The following TNN variants were observed in gnomAD, a reference collection of about 807,000 sequenced individuals.
The protein encoded by TNN is tenascin N.
A neutral mutation model predicts 134.4 loss-of-function variants in TNN; 122 were observed. The ratio of observed to expected loss-of-function variants is 0.91; its 90% CI spans 0.78 to 1.06. The LOEUF (loss-of-function observed/expected upper bound fraction) is 1.06, where lower values mean the gene tolerates loss of function less well. Among genes scored for constraint, TNN ranks in the 50% least tolerant of loss-of-function variants. The pLI is 0.00. For synonymous variants in TNN, 710 were observed against 670.3 expected, an observed-to-expected ratio of 1.06 and a Z score of -0.91; for missense variants, 1,739 against 1,699.4, an observed-to-expected ratio of 1.02 and a Z score of -0.41.
rs537381498 is a variant in TNN, at chr1:175,095,730, C to G, written c.1588+1477C>G. Among the ~76,000 whole-genome samples, 410 of 152,286 alleles carry G rather than the reference C, an allele frequency of 2.7e-3. 1 individual carries two copies. The highest frequency in any genetic ancestry group is 9.6e-3 in the African/African-American group (398 of 41,554). On this transcript the variant is annotated intron_variant, in intron 7 of 18. Coordinates refer to ENST00000239462, the MANE Select transcript of TNN (RefSeq NM_022093.2). Reference sequence around the variant, plus strand: ...CTGGGATTTCAGGCACCCGCCACCACGCCCAGCTAATTTTTGTATTTTTAA... The same window carrying G: ...CTGGGATTTCAGGCACCCGCCACCAGGCCCAGCTAATTTTTGTATTTTTAA...
intron 9 of TNN, among the ~76,000 whole-genome samples, chr1:175,100,897 C>T (rs1414328870): frequency 6.6e-6 from 1 of 152,140 alleles, no homozygotes; most frequent in Admixed American, 6.5e-5. Context: ...TAATAATATA[C>T]ATATTTATAG....
rs781507408 is a variant in TNN, at chr1:175,077,788, G to A, written c.370G>A (p.Glu124Lys). 38 of 1,614,072 alleles carry A rather than the reference G, an allele frequency of 2.4e-5. No individual in the cohort carries two copies. In the Admixed American group the frequency reaches 6.0e-4, roughly 25 times the overall value. The change falls in exon 2 of 19, where the codon GAA becomes AAA. Residue 124 changes from glutamate to lysine, a missense_variant. Transcript: ENST00000239462. ...KLEEEMVEMKEQCSAQRCCQG... is the reference protein window; with the variant it reads ...KLEEEMVEMKKQCSAQRCCQG... ...GGAGGAAGAGATGGTGGAGATGAAG[G>A]AACAGTGTAGTGCCCAGCGCTGCTG... is the stretch of plus-strand genomic sequence containing the variant.
intron 17 of TNN, among the ~76,000 whole-genome samples, chr1:175,140,381 G>A (rs12563833): frequency 0.28 from 42,206 of 151,970 alleles, 6,423 homozygotes; most frequent in East Asian, 0.43. Context: ...TCTTTGGCCC[G>A]TGTGCCCCAC....
chr1:175,072,830 G>C (rs1019767292), intron 1 of TNN, among the ~76,000 whole-genome samples: 2 of 151,888 alleles, frequency 1.3e-5, no homozygotes, highest in Non-Finnish European at 2.9e-5. Flanking sequence ...CTCCAACAGG[G>C]ACTTGTGGGA....
chr1:175,085,315 C>A, intron 5 of TNN, 90 bp from the exon 6 acceptor site: 1 of 818,094 alleles, frequency 1.2e-6, no homozygotes, highest in Non-Finnish European at 2.1e-6. Flanking sequence ...CTCTCATCTT[C>A]CCTCACGGGA....
At chr1:175,140,658 T>C (rs1246096855) in intron 17 of TNN, among the ~76,000 whole-genome samples, 1 of 152,232 alleles carries the variant, frequency 6.6e-6, no homozygotes, top group Non-Finnish European at 1.5e-5. Flanking sequence ...TGTTCTAAGG[T>C]TGTTCAGGCC....
chr1:175,089,194 T>C (rs1674385211), intron 6 of TNN, among the ~76,000 whole-genome samples: 1 of 152,190 alleles, frequency 6.6e-6, no homozygotes, highest in South Asian at 2.1e-4. Context: ...CTCTGTTTTC[T>C]CCAAACGTTT....
intron 9 of TNN, among the ~76,000 whole-genome samples, chr1:175,109,482 A>T (rs192654322): frequency 9.9e-5 from 15 of 151,948 alleles, no homozygotes; most frequent in African/African-American, 3.6e-4. Flanking sequence ...TTTATTCGCA[A>T]CTTCCAGGAG....
At chr1:175,090,253 C>T (rs1038913618) in intron 6 of TNN, among the ~76,000 whole-genome samples, 1 of 152,166 alleles carries the variant, frequency 6.6e-6, no homozygotes, top group Non-Finnish European at 1.5e-5. Flanking sequence ...AGAAGCAAAG[C>T]TGGAGGACAA....
chr1:175,079,131 C>A (rs573183453), intron 2 of TNN, among the ~76,000 whole-genome samples: 75 of 152,268 alleles, frequency 4.9e-4, no homozygotes, highest in African/African-American at 1.8e-3. Context: ...GAAAGCCTGG[C>A]CCAGGCTGGA....
At chr1:175,094,700 C>A (rs957283964) in intron 7 of TNN, among the ~76,000 whole-genome samples, 17 of 152,334 alleles carry the variant, frequency 1.1e-4, no homozygotes, top group African/African-American at 4.1e-4. Flanking sequence ...CCAATTCTTC[C>A]TTTAAGCTTT....
At chr1:175,115,213 T>G (rs766611227) in intron 9 of TNN, among the ~76,000 whole-genome samples, 19 of 152,122 alleles carry the variant, frequency 1.2e-4, no homozygotes, top group Non-Finnish European at 2.2e-4. Flanking sequence ...GATTCCCCAG[T>G]GGGCAATGTG....
chr1:175,079,362 A>G lies in TNN; in HGVS notation c.439A>G (p.Thr147Ala). The change falls in exon 3 of 19, where the codon ACC (threonine) becomes GCC (alanine). Residue 147 changes from threonine (T) to alanine (A), a missense_variant. Thr to Ala is a moderately conservative substitution (Grantham distance 58). Coordinates refer to ENST00000239462, the MANE Select transcript of TNN (RefSeq NM_022093.2). The part of the protein sequence containing the change: ...DLSRHCSGHG[T>A]FSLETCSCHC... Reference sequence around the variant, plus strand: ...AAGCCGCCACTGCAGCGGCCACGGGACCTTCTCCCTGGAGACCTGCAGCTG... The same window carrying G: ...AAGCCGCCACTGCAGCGGCCACGGGGCCTTCTCCCTGGAGACCTGCAGCTG... The G allele has an allele frequency of 6.3e-7, 1 of 1,596,350 alleles. No individual in the cohort carries two copies. The highest frequency in any genetic ancestry group is 8.5e-7 in the Non-Finnish European group (1 of 1,176,682).
chr1:175,080,926 ATAAGGATACTC>A (rs1674185955), intron 4 of TNN, among the ~76,000 whole-genome samples: 1 of 152,246 alleles, frequency 6.6e-6, no homozygotes, highest in South Asian at 2.1e-4. Context: ...ACCTGCATCA[ATAAGGATACTC>A]TCCTGCCTGA....
chr1:175,137,686 T>G (rs1243981415), intron 17 of TNN, among the ~76,000 whole-genome samples: 1 of 152,216 alleles, frequency 6.6e-6, no homozygotes, highest in Non-Finnish European at 1.5e-5. Context: ...GTGTGGTCAT[T>G]GTTTTAATAC....
At chr1:175,146,834 G>GTAATTAAT in intron 18 of TNN, 97 bp from the exon 19 acceptor site, 1 of 1,182,486 alleles carries the variant, frequency 8.5e-7, no homozygotes, top group Middle Eastern at 2.1e-4. Flanking sequence ...GGTTTCACTG[G>GTAATTAAT]TAATTAATTA....
At chr1:175,076,418 G>A (rs1471193233) in intron 1 of TNN, among the ~76,000 whole-genome samples, 1 of 152,182 alleles carries the variant, frequency 6.6e-6, no homozygotes, top group African/African-American at 2.4e-5. Context: ...GTCCTTAACA[G>A]GCTCACGGCC....
At chr1:175,125,587 CTCTT>C (rs1467139723) in intron 12 of TNN, among the ~76,000 whole-genome samples, 3 of 150,720 alleles carry the variant, frequency 2.0e-5, no homozygotes, top group Non-Finnish European at 4.4e-5. Context: ...CTCTCTCTCC[CTCTT>C]TCTTTCTCTT....
intron 9 of TNN, among the ~76,000 whole-genome samples, chr1:175,101,133 C>T (rs534568947): frequency 6.6e-6 from 1 of 152,234 alleles, no homozygotes; most frequent in East Asian, 1.9e-4. Context: ...AGCTGCGGAC[C>T]CTCGCGGTGA....
Sources: gnomAD v4.1 joint callset for allele counts (sites outside exome capture counted in the v4.1 genomes callset) on GRCh38, gnomAD v4.1.1 for gene constraint, MANE v1.5 for transcripts, NCBI Gene and HGNC (gene_info 2026-07-23, HGNC 2026-07-21) for gene names.